The following BRD8 variants were observed in gnomAD, a reference collection of about 807,000 sequenced individuals.
BRD8 encodes bromodomain-containing protein 8.
A neutral mutation model predicts 143.1 loss-of-function variants in BRD8; 67 were observed. The observed-to-expected ratio is 0.47, with a 90% CI of 0.38 to 0.57. The LOEUF (loss-of-function observed/expected upper bound fraction) is 0.57, where lower values mean the gene tolerates loss of function less well. Ranked by LOEUF, BRD8 falls within the 20% of genes least tolerant of loss-of-function variation. BRD8 has a pLI of 0.00. For missense variants in BRD8, 1,103 were observed against 1,503.0 expected (o/e 0.73, Z 4.40); for synonymous variants, 505 against 517.1 (o/e 0.98, Z 0.32).
Position 138,149,629 on chromosome 5 carries a change from T to A in BRD8, c.3278+11A>T. On this transcript the variant is annotated intron_variant, in intron 23 of 26. Transcript: ENST00000254900. ...GAATCTTAACAAACTTGGATGAAAG[T>A]CTACGCTTACAGCTTTGAGGAGGTA... is the stretch of plus-strand genomic sequence containing the variant. The A allele has an allele frequency of 6.3e-7, 1 of 1,579,188 alleles. No homozygotes were observed. The highest frequency in any genetic ancestry group is 8.6e-7 in the Non-Finnish European group (1 of 1,165,892).
chr5:138,149,733 T>A lies in BRD8; in HGVS notation c.3185A>T (p.Asp1062Val), dbSNP rs1752305294. 1 of 1,613,728 alleles carries A rather than the reference T, an allele frequency of 6.2e-7. No homozygotes were observed. Among genetic ancestry groups the A allele is most frequent in the Non-Finnish European group, 8.5e-7 (1 of 1,179,916 alleles). The change falls in exon 23 of 27, where the codon GAC becomes GTC. Residue 1062 changes from aspartate to valine, a missense_variant. Transcript: ENST00000254900. ...QGEVYVSEMEDQPPSGECDDA... is the reference protein window; with the variant it reads ...QGEVYVSEMEVQPPSGECDDA... ...ATCACACTCGCCTGAAGGGGGCTGG[T>A]CTTCCATCTCTGACACATATACTTC...
chr5:138,157,508 T>C, intron 20 of BRD8: 2 of 543,436 alleles, frequency 3.7e-6, no homozygotes, highest in Non-Finnish European at 6.5e-6. Context: ...GTCCTTGGAA[T>C]TCACCTAGGG....
intron 20 of BRD8, among the ~76,000 whole-genome samples, chr5:138,158,992 C>T (rs911363908): frequency 1.3e-5 from 2 of 149,194 alleles, no homozygotes; most frequent in African/African-American, 4.9e-5. Context: ...GGTCTCCCTA[C>T]GTTGCCCAGG....
rs1233758278 is a variant in BRD8, at chr5:138,163,629, A to G, written c.1873-285T>C. 7 of 1,414,468 alleles carry G rather than the reference A, an allele frequency of 4.9e-6. No homozygotes were observed. The East Asian group carries it at 2.5e-4, about 50-fold the overall frequency. 87.6% of individuals were successfully genotyped at this position (1,414,468 alleles called of 1,614,324 possible). A position where few individuals can be genotyped will look rare whatever the true frequency, so the allele number is the denominator to read the frequency against. ...GGCGTTCCTTCTTTCCCCTTGCTCG[A>G]GAGTAACTCTGACCCTGGGTACAAA... is the stretch of plus-strand genomic sequence containing the variant. On this transcript the variant is annotated intron_variant, in intron 14 of 26. Coordinates refer to ENST00000254900, the MANE Select transcript of BRD8 (RefSeq NM_139199.2).
intron 2 of BRD8, 62 bp downstream of exon 2, chr5:138,177,509 G>A (rs1411243878): frequency 1.3e-5 from 12 of 941,434 alleles, no homozygotes; most frequent in South Asian, 9.3e-5. Context: ...GAAATCTACC[G>A]ATGTGAAAGA....
chr5:138,177,729 T>G, intron 1 of BRD8, 62 bp from the exon 2 acceptor site: 1 of 1,001,126 alleles, frequency 1.0e-6, no homozygotes. Flanking sequence ...AGTGCTAAGC[T>G]CCAAAATCCC....
At chr5:138,159,531 C>T in intron 20 of BRD8, 24 bp downstream of exon 20, 1 of 1,613,112 alleles carries the variant, frequency 6.2e-7, no homozygotes, top group Middle Eastern at 1.6e-4. Context: ...GCAACACCAC[C>T]CCTTGCAGCC....
chr5:138,145,700 G>A (rs1752120776), intron 24 of BRD8, 89 bp downstream of exon 24: 1 of 1,145,588 alleles, frequency 8.7e-7, no homozygotes, highest in Non-Finnish European at 1.3e-6. Flanking sequence ...TCATTTGAGG[G>A]ATGAACATAT....
intron 1 of BRD8, 21 bp from the exon 2 acceptor site, chr5:138,177,688 A>AAG (rs2151227744): frequency 1.3e-6 from 2 of 1,519,682 alleles, no homozygotes; most frequent in Non-Finnish European, 1.8e-6. Context: ...GAGAAAAAAA[A>AAG]AAAAGCCTTG....
intron 4 of BRD8, 82 bp from the exon 5 acceptor site, chr5:138,171,242 C>G: frequency 6.9e-7 from 1 of 1,440,248 alleles, no homozygotes; most frequent in Non-Finnish European, 9.7e-7. Flanking sequence ...ACCACTTAAT[C>G]ATAGATAACT....
At chr5:138,166,136 C>T in intron 10 of BRD8, 28 bp from the exon 11 acceptor site, 1 of 1,575,850 alleles carries the variant, frequency 6.3e-7, no homozygotes, top group Non-Finnish European at 8.7e-7. Flanking sequence ...AAAAGCATCT[C>T]AGAAGCTTAT....
rs1353654191 is a variant in BRD8 at position 138,177,555 on chromosome 5, A to T, written c.116+16T>A. The T allele has an allele frequency of 1.7e-5, 27 of 1,550,830 alleles. No individual in the cohort carries two copies. The highest frequency in any genetic ancestry group is 4.1e-5 in the African/African-American group (3 of 73,250). The stretch of plus-strand genomic sequence containing the variant: ...ATTTCTAAGACCCAGAAAAGCTGAC[A>T]TCCTAGATACCTTACCAATTTTGAT... On this transcript the variant is annotated intron_variant, in intron 2 of 26. Coordinates refer to ENST00000254900, the MANE Select transcript of BRD8 (RefSeq NM_139199.2).
intron 3 of BRD8, among the ~76,000 whole-genome samples, 159 bp downstream of exon 3, chr5:138,171,906 A>G (rs1370072700): frequency 6.6e-6 from 1 of 152,270 alleles, no homozygotes; most frequent in East Asian, 1.9e-4. Flanking sequence ...ATGATCATAC[A>G]TGGATGGATT....
Position 138,177,676 on chromosome 5 carries a change from G to T in BRD8, c.20-9C>A. The stretch of plus-strand genomic sequence containing the variant: ...GCTTAGCAGCTTGTGTTCTGGGAAA[G>T]GGAGAAAAAAAAAAAAGCCTTGGAA... On this transcript the variant is annotated splice_polypyrimidine_tract_variant and intron_variant, in intron 1 of 26. Transcript: ENST00000254900. 2.1e-6 allele frequency: 3 copies of T among 1,422,098 alleles called. No homozygotes were observed. Among genetic ancestry groups the T allele is most frequent in the Non-Finnish European group, 1.9e-6 (2 of 1,072,244 alleles). The allele number at this position is 1,422,098 out of a possible 1,614,324, so 88.1% of individuals were successfully genotyped here.
intron 2 of BRD8, among the ~76,000 whole-genome samples, chr5:138,174,323 C>T (rs1346683013): frequency 2.0e-5 from 3 of 152,014 alleles, no homozygotes; most frequent in Non-Finnish European, 4.4e-5. Context: ...GGCCGGGTGT[C>T]GTAGCTCATG....
chr5:138,168,792 G>A lies in BRD8; in HGVS notation c.642+430C>T, dbSNP rs1321369492. 5.8e-6 allele frequency: 4 copies of A among 686,272 alleles called. No individual in the cohort carries two copies. The African/African-American group carries it at 7.4e-5, about 13-fold the overall frequency. 42.5% of individuals were successfully genotyped at this position (686,272 alleles called of 1,614,324 possible). A position where few individuals can be genotyped will look rare whatever the true frequency, so the allele number is the denominator to read the frequency against. On this transcript the variant is annotated intron_variant, in intron 8 of 26. Transcript: ENST00000254900. ...CTAACTATTATTTTATTAGTCCTGAGTGGAATTGCCCAGAAACCCTCTATC... is the reference window on the plus strand; with the variant it reads ...CTAACTATTATTTTATTAGTCCTGAATGGAATTGCCCAGAAACCCTCTATC...
chr5:138,145,904 G>C, intron 23 of BRD8, 26 bp from the exon 24 acceptor site: 3 of 1,583,694 alleles, frequency 1.9e-6, no homozygotes, highest in Non-Finnish European at 2.6e-6. Context: ...ATGAAGAAAA[G>C]AGACAGTAAC....
chr5:138,170,496 C>T, intron 6 of BRD8, 87 bp from the exon 7 acceptor site: 1 of 1,426,238 alleles, frequency 7.0e-7, no homozygotes, highest in Non-Finnish European at 9.9e-7. Context: ...TTTTTTTTGC[C>T]AGGCCAGCAC....
At chr5:138,159,089 C>A (rs1752809196) in intron 20 of BRD8, among the ~76,000 whole-genome samples, 1 of 152,144 alleles carries the variant, frequency 6.6e-6, no homozygotes, top group African/African-American at 2.4e-5. Flanking sequence ...CCACACCCAG[C>A]CTATACTGAG....
Sources: gnomAD v4.1 joint callset for allele counts (sites outside exome capture counted in the v4.1 genomes callset) on GRCh38, gnomAD v4.1.1 for gene constraint, MANE v1.5 for transcripts, NCBI Gene and HGNC (gene_info 2026-07-23, HGNC 2026-07-21) for gene names.